Variants in GALNT9 observed in about 807,000 individuals in gnomAD.
The protein encoded by GALNT9 is polypeptide N-acetylgalactosaminyltransferase 9.
GALNT9 carries 47 observed loss-of-function variants against 63.1 expected under a neutral mutation model. The observed-to-expected ratio is 0.75, with a 90% CI of 0.59 to 0.95. The LOEUF (loss-of-function observed/expected upper bound fraction) is 0.95, where lower values mean the gene tolerates loss of function less well. Ranked by LOEUF, GALNT9 falls within the 40% of genes least tolerant of loss-of-function variation. The pLI is 0.00. For missense variants in GALNT9, 829 were observed against 874.8 expected, an observed-to-expected ratio of 0.95 and a Z score of 0.66; for synonymous variants, 396 against 365.7, an observed-to-expected ratio of 1.08 and a Z score of -0.94.
chr12:132,289,626 C>T (rs891228205), intron 1 of GALNT9, among the ~76,000 whole-genome samples: 3 of 152,220 alleles, frequency 2.0e-5, no homozygotes, highest in African/African-American at 7.2e-5. Flanking sequence ...GGGGACACCC[C>T]AGCCACGCTG....
chr12:132,210,729 A>G lies in GALNT9; in HGVS notation c.1078-7039T>C, dbSNP rs1876918799. ...CATCTTAATGGTTGAATTGAGAAGA[A>G]GCTCCAACTTGCCAAAAGCCAAACT... On this transcript the variant is annotated intron_variant, in intron 6 of 10. Transcript: ENST00000328957. 2.6e-5 allele frequency among the ~76,000 whole-genome samples: 4 copies of G among 151,868 alleles called. No homozygotes were observed. The South Asian group carries it at 8.3e-4, about 31-fold the overall frequency.
At chr12:132,230,791 C>T (rs1016762647) in intron 6 of GALNT9, among the ~76,000 whole-genome samples, 4 of 152,340 alleles carry the variant, frequency 2.6e-5, no homozygotes, top group African/African-American at 4.8e-5. Context: ...GGTAACAGTC[C>T]GGGTTAATGG....
At chr12:132,235,263 G>T (rs1877961228) in intron 6 of GALNT9, among the ~76,000 whole-genome samples, 1 of 152,016 alleles carries the variant, frequency 6.6e-6, no homozygotes, top group Non-Finnish European at 1.5e-5. Flanking sequence ...GCAGAGGACA[G>T]TGCTGGAGGA....
chr12:132,198,833 G>A (rs983465493), intron 9 of GALNT9, among the ~76,000 whole-genome samples: 1 of 152,074 alleles, frequency 6.6e-6, no homozygotes, highest in Non-Finnish European at 1.5e-5. Flanking sequence ...TGTATTTTTT[G>A]TAGCGACAGG....
intron 1 of GALNT9, among the ~76,000 whole-genome samples, chr12:132,294,589 A>C (rs2135569297): frequency 1.9e-5 from 1 of 53,532 alleles, no homozygotes; most frequent in South Asian, 4.4e-4. Context: ...GCCAGCGGTC[A>C]TGTAGCGCCA....
Position 132,282,014 on chromosome 12 carries a change from C to T in GALNT9, c.419+4236G>A. 6.8e-6 allele frequency among the ~76,000 whole-genome samples: 1 copy of T among 146,650 alleles called. No homozygotes were observed. Among genetic ancestry groups the T allele is most frequent in the African/African-American group, 2.6e-5 (1 of 38,832 alleles). Reference sequence around the variant, plus strand: ...CAGCTCCACTGCAGCAAGGCCAGGCCTGGGGGTCCCCGATCCCACAGAGGA... The same window carrying T: ...CAGCTCCACTGCAGCAAGGCCAGGCTTGGGGGTCCCCGATCCCACAGAGGA... On this transcript the variant is annotated intron_variant, in intron 2 of 10. Coordinates refer to ENST00000328957, the MANE Select transcript of GALNT9 (RefSeq NM_001122636.2). This position sits in a 1 kb window ranked among gnomAD's most constrained non-coding sequence, Gnocchi z 4.5.
At chr12:132,294,178 A>G (rs59190549) in intron 1 of GALNT9, among the ~76,000 whole-genome samples, 3,007 of 152,312 alleles carry the variant, frequency 0.02, 116 homozygotes, top group African/African-American at 0.068. Flanking sequence ...CTGGGGCACC[A>G]GGTCTTCACC....
chr12:132,288,443 C>G (rs57446407), intron 1 of GALNT9, among the ~76,000 whole-genome samples: 1 of 152,150 alleles, frequency 6.6e-6, no homozygotes, highest in Admixed American at 6.5e-5. Flanking sequence ...AATATCGATA[C>G]TGCACTTGCA....
intron 1 of GALNT9, among the ~76,000 whole-genome samples, chr12:132,325,930 T>C (rs1869017314): frequency 6.6e-6 from 1 of 152,130 alleles, no homozygotes. Flanking sequence ...GCAGAGTGAG[T>C]CCAGCCGCTG....
intron 9 of GALNT9, among the ~76,000 whole-genome samples, chr12:132,198,169 C>T (rs540867265): frequency 4.7e-4 from 72 of 152,358 alleles, no homozygotes; most frequent in African/African-American, 1.6e-3. Context: ...CCAAATGCTC[C>T]GCAGGGCCAG....
At chr12:132,304,463 C>A (rs1373059879) in intron 1 of GALNT9, among the ~76,000 whole-genome samples, 21 of 47,734 alleles carry the variant, frequency 4.4e-4, no homozygotes, top group Non-Finnish European at 6.4e-4. Flanking sequence ...CCGGGCACAG[C>A]CTCGCCCGGG....
rs2135582975 is a variant in GALNT9 at position 132,310,187 on chromosome 12, G to C, written c.238+18779C>G. Among the ~76,000 whole-genome samples the C allele has an allele frequency of 6.6e-6, 1 of 152,354 alleles. No homozygotes were observed. The highest frequency in any genetic ancestry group is 2.1e-4 in the South Asian group (1 of 4,828). On this transcript the variant is annotated intron_variant, in intron 1 of 10. Transcript: ENST00000328957. This position sits in a 1 kb window ranked among gnomAD's most constrained non-coding sequence, Gnocchi z 4.8. ...ATGAGACCGAATGCCTCCAGCAGGA[G>C]GGGAGGAGCTGGGATTCACGTGGGG...
chr12:132,322,494 C>T (rs1868846089), intron 1 of GALNT9, among the ~76,000 whole-genome samples: 1 of 152,236 alleles, frequency 6.6e-6, no homozygotes, highest in Admixed American at 6.5e-5. Flanking sequence ...ACAGCAAGCA[C>T]CCAGCATCCC....
intron 10 of GALNT9, 42 bp downstream of exon 10, chr12:132,197,750 G>GCCCCCCCCCAAACCCCC: frequency 7.9e-7 from 1 of 1,266,534 alleles, no homozygotes. Context: ...CAGCAGCCCT[G>GCCCCCCCCCAAACCCCC]CCCCGCCCCA....
intron 2 of GALNT9, among the ~76,000 whole-genome samples, chr12:132,264,619 G>A (rs1383430181): frequency 6.6e-6 from 1 of 152,262 alleles, no homozygotes; most frequent in Non-Finnish European, 1.5e-5. Flanking sequence ...AGGGGTTTGA[G>A]TCCAGGGCAG....
intron 6 of GALNT9, chr12:132,247,686 G>A (rs28754608): frequency 6.7e-5 from 35 of 521,338 alleles, no homozygotes; most frequent in Non-Finnish European, 9.7e-5. Flanking sequence ...TGCCGTGGCC[G>A]CACTCGCCCT....
chr12:132,268,467 TCTTTGTGACCTTGG>T (rs1879739925), intron 2 of GALNT9, among the ~76,000 whole-genome samples: 1 of 152,118 alleles, frequency 6.6e-6, no homozygotes, highest in Non-Finnish European at 1.5e-5. Context: ...GAGGAGAAAG[TCTTTGTGACCTTGG>T]CTTAAGCAAA....
intron 2 of GALNT9, among the ~76,000 whole-genome samples, chr12:132,263,292 A>C (rs1312509792): frequency 6.6e-6 from 1 of 152,208 alleles, no homozygotes. Context: ...AGATTTCATC[A>C]CTCAGAAAAA....
At position 132,236,066 on chromosome 12, in the gene GALNT9, C is replaced by T. The variant is rs1877989119; in HGVS notation, c.1077+11844G>A. Among the ~76,000 whole-genome samples the T allele has an allele frequency of 7.5e-5, 6 of 80,156 alleles. No homozygotes were observed. The Admixed American group carries it at 7.5e-4, about 10-fold the overall frequency. 52.6% of individuals were successfully genotyped at this position (80,156 alleles called of 152,430 possible). A position where few individuals can be genotyped will look rare whatever the true frequency, so the allele number is the denominator to read the frequency against. On this transcript the variant is annotated intron_variant, in intron 6 of 10. Coordinates refer to ENST00000328957, the MANE Select transcript of GALNT9 (RefSeq NM_001122636.2). This position sits in a 1 kb window ranked among gnomAD's most constrained non-coding sequence, Gnocchi z 5.6. ...AACCCTCGGGACAGGGCAGGAGGGT[C>T]CCCCGGGCTGGAGTTCAACCCTCGG... is the stretch of plus-strand genomic sequence containing the variant.
Sources: allele counts gnomAD v4.1 joint callset (sites outside exome capture counted in the v4.1 genomes callset), GRCh38; gene constraint gnomAD v4.1.1; non-coding constraint Gnocchi (gnomAD v3.1); transcripts MANE v1.5; gene names NCBI Gene and HGNC (gene_info 2026-07-23, HGNC 2026-07-21).